The following COL28A1 variants were observed in gnomAD, a reference collection of about 807,000 sequenced individuals.
COL28A1 encodes the protein collagen alpha-1(XXVIII) chain.
In COL28A1, 161 loss-of-function variants were observed where a neutral mutation model predicts 150.2. That is an observed-to-expected ratio of 1.07 (90% CI 0.94 to 1.22). COL28A1 has a LOEUF of 1.22. COL28A1 is among the 50% of genes most tolerant of loss of function. The pLI is 0.00. For synonymous variants in COL28A1, 552 were observed against 469.7 expected (o/e 1.18, Z -2.26); for missense variants, 1,617 against 1,388.3 (o/e 1.16, Z -2.62).
intron 21 of COL28A1, 52 bp downstream of exon 21, chr7:7,440,738 C>A: frequency 1.4e-6 from 1 of 735,174 alleles, no homozygotes; most frequent in South Asian, 1.8e-5. Context: ...TATATTAAAA[C>A]CAGACACAAT....
At chr7:7,461,079 T>C (rs73346335) in intron 15 of COL28A1, among the ~76,000 whole-genome samples, 2,345 of 152,278 alleles carry the variant, frequency 0.015, 70 homozygotes, top group African/African-American at 0.054. Context: ...TCCCAAATAT[T>C]GTGAGTGCCC....
At chr7:7,484,254 A>T (rs1025608007) in intron 13 of COL28A1, among the ~76,000 whole-genome samples, 2 of 152,216 alleles carry the variant, frequency 1.3e-5, no homozygotes, top group East Asian at 3.8e-4. Context: ...GACTAAAGAC[A>T]TGGAAACAGA....
At chr7:7,461,063 G>A (rs1466194529) in intron 15 of COL28A1, among the ~76,000 whole-genome samples, 1 of 152,214 alleles carries the variant, frequency 6.6e-6, no homozygotes, top group African/African-American at 2.4e-5. Context: ...CAGGACCTGG[G>A]AGACATCCCA....
Position 7,373,038 on chromosome 7 carries a change from T to TG in COL28A1, c.2867dup (p.Glu957ArgfsTer7). 6.2e-7 allele frequency: 1 copy of TG among 1,614,172 alleles called. No individual in the cohort carries two copies. Among genetic ancestry groups the TG allele is most frequent in the Non-Finnish European group, 8.5e-7 (1 of 1,180,018 alleles). ...AATCATCAAACTGGTAAACATGCTCTGGGTCAGTAGCAATTAGATTCATTT... is the reference window on the plus strand; with the variant it reads ...AATCATCAAACTGGTAAACATGCTCTGGGGTCAGTAGCAATTAGATTCATTT... On this transcript the variant is annotated frameshift_variant, in exon 32 of 35. Coordinates refer to ENST00000399429, the MANE Select transcript of COL28A1 (RefSeq NM_001037763.3). LOFTEE classifies it high-confidence loss of function. This position sits in a 1 kb window ranked among gnomAD's most constrained non-coding sequence, Gnocchi z 4.1.
Position 7,531,641 on chromosome 7 carries a change from CT to C in COL28A1, c.387del (p.Gly130ValfsTer24). ...GAAATGGCATAATAAGAGAAGGTAC[CT>C]TGCCCTATTAAATTCATAGACTTGA... ...QKVKSMNLIG[Q>X]GTFSYYAISN... is the part of the protein sequence containing the mutation. On this transcript the variant is annotated frameshift_variant, in exon 3 of 35. Transcript: ENST00000399429. LOFTEE classifies it high-confidence loss of function. 1 of 1,603,408 alleles carries C rather than the reference CT, an allele frequency of 6.2e-7. No homozygotes were observed. Among genetic ancestry groups the C allele is most frequent in the Non-Finnish European group, 8.5e-7 (1 of 1,170,218 alleles).
At chr7:7,390,849 A>G (rs1782499718) in intron 27 of COL28A1, among the ~76,000 whole-genome samples, 1 of 151,972 alleles carries the variant, frequency 6.6e-6, no homozygotes, top group South Asian at 2.1e-4. Flanking sequence ...CCCCTTTATC[A>G]TTTTTTATTG....
At chr7:7,494,485 T>C (rs1780097319) in intron 11 of COL28A1, among the ~76,000 whole-genome samples, 1 of 152,250 alleles carries the variant, frequency 6.6e-6, no homozygotes, top group African/African-American at 2.4e-5. Context: ...AGGATAATTA[T>C]ATCTGCCTTG....
chr7:7,466,339 G>A (rs917056580), intron 15 of COL28A1, among the ~76,000 whole-genome samples: 3 of 146,384 alleles, frequency 2.0e-5, no homozygotes, highest in Non-Finnish European at 4.5e-5. Context: ...GTGATCAACT[G>A]GAAGAAAGGG....
chr7:7,440,905 G>T, intron 20 of COL28A1, 44 bp from the exon 21 acceptor site: 2 of 932,016 alleles, frequency 2.1e-6, no homozygotes, highest in Non-Finnish European at 3.6e-6. Context: ...TATGGTATTA[G>T]CAACCTCCCC....
chr7:7,374,331 G>A (rs780264929), intron 31 of COL28A1, among the ~76,000 whole-genome samples: 13 of 152,104 alleles, frequency 8.5e-5, no homozygotes, highest in Non-Finnish European at 1.9e-4. Flanking sequence ...CTGGCCAATG[G>A]ATGAAGTAAT....
chr7:7,465,067 G>T (rs562894645), intron 15 of COL28A1, among the ~76,000 whole-genome samples: 1 of 152,156 alleles, frequency 6.6e-6, no homozygotes, highest in African/African-American at 2.4e-5. Context: ...TAGAGGAGAT[G>T]AATAAATTCT....
chr7:7,355,407 C>T (rs1385189883), downstream of COL28A1, among the ~76,000 whole-genome samples: 2 of 151,968 alleles, frequency 1.3e-5, no homozygotes, highest in East Asian at 1.9e-4. Flanking sequence ...GCCAGGAGTT[C>T]AAGACCAGCC....
intron 30 of COL28A1, among the ~76,000 whole-genome samples, chr7:7,379,628 A>G (rs1249355181): frequency 6.6e-6 from 1 of 152,194 alleles, no homozygotes; most frequent in Non-Finnish European, 1.5e-5. Flanking sequence ...AGTAAGGTTT[A>G]CTGGATACAT....
At chr7:7,476,020 G>C (rs1014563934) in intron 14 of COL28A1, among the ~76,000 whole-genome samples, 3 of 152,116 alleles carry the variant, frequency 2.0e-5, no homozygotes, top group Non-Finnish European at 1.5e-5. Flanking sequence ...AGAGATTTAG[G>C]ATTCTCATAG....
At chr7:7,344,244 G>T in the COL28A1 span, among the ~76,000 whole-genome samples, 2 of 152,012 alleles carry the variant, frequency 1.3e-5, no homozygotes, top group Non-Finnish European at 2.9e-5. Flanking sequence ...GGTCTGGATT[G>T]TAAGTGGGAG....
chr7:7,374,060 T>TACAC (rs1554260717), intron 31 of COL28A1, among the ~76,000 whole-genome samples: 3 of 142,954 alleles, frequency 2.1e-5, no homozygotes, highest in Non-Finnish European at 4.5e-5. Context: ...TATATATATA[T>TACAC]ACTTGGAAAA....
At chr7:7,341,387 C>G in the COL28A1 span, among the ~76,000 whole-genome samples, 1 of 151,774 alleles carries the variant, frequency 6.6e-6, no homozygotes, top group Non-Finnish European at 1.5e-5. Context: ...TCATTATTTT[C>G]TTTTTTAAAA....
At chr7:7,375,417 G>T in intron 31 of COL28A1, 44 bp downstream of exon 31, 2 of 1,542,034 alleles carry the variant, frequency 1.3e-6, no homozygotes, top group Non-Finnish European at 1.8e-6. Flanking sequence ...TACATAGTGG[G>T]GCTGATGCTT....
chr7:7,372,255 C>A (rs1340100633), intron 32 of COL28A1, among the ~76,000 whole-genome samples: 1 of 151,056 alleles, frequency 6.6e-6, no homozygotes, highest in African/African-American at 2.4e-5. Flanking sequence ...AAAAATTAGC[C>A]GGGCATGGTG....
Sources: allele counts gnomAD v4.1 joint callset (sites outside exome capture counted in the v4.1 genomes callset), GRCh38; gene constraint gnomAD v4.1.1; non-coding constraint Gnocchi (gnomAD v3.1); transcripts MANE v1.5; gene names NCBI Gene and HGNC (gene_info 2026-07-23, HGNC 2026-07-21).